Variants in MYO10 observed in about 807,000 individuals in gnomAD.
MYO10 encodes the protein unconventional myosin-X.
A neutral mutation model predicts 257.3 loss-of-function variants in MYO10; 133 were observed. The observed-to-expected ratio is 0.52, with a 90% confidence interval of 0.45 to 0.60. The LOEUF (loss-of-function observed/expected upper bound fraction) is 0.60. Among genes scored for constraint, MYO10 ranks in the 20% least tolerant of loss-of-function variants. MYO10 has a pLI of 0.00. For missense variants in MYO10, 2,399 were observed against 2,635.7 expected, an observed-to-expected ratio of 0.91 and a Z score of 1.97; for synonymous variants, 1,104 against 1,028.6, an observed-to-expected ratio of 1.07 and a Z score of -1.40.
intron 2 of MYO10, among the ~76,000 whole-genome samples, chr5:16,861,257 A>T (rs1324573703): frequency 8.1e-5 from 12 of 148,088 alleles, no homozygotes; most frequent in East Asian, 5.9e-4. Context: ...TACAGCAATA[A>T]AAAAAAAAAA....
intron 2 of MYO10, among the ~76,000 whole-genome samples, chr5:16,837,960 T>C (rs1471341436): frequency 1.3e-5 from 2 of 152,178 alleles, no homozygotes; most frequent in Non-Finnish European, 1.5e-5. Flanking sequence ...CCTATTGTAA[T>C]TGTTTGGGGG....
rs1012098715 is a variant in MYO10 at position 16,665,894 on chromosome 5, C to A, written c.*798G>T. On this transcript the variant is annotated 3_prime_UTR_variant, in exon 41 of 41. Coordinates refer to ENST00000513610, the MANE Select transcript of MYO10 (RefSeq NM_012334.3). ...TACATGTAAAACAATGGAGTCAACA[C>A]GTGTTTTTCAAAATACAGCAAAGAC... is the stretch of plus-strand genomic sequence containing the variant. 3 of 152,552 alleles carry A rather than the reference C, an allele frequency of 2.0e-5. No homozygotes were observed. The highest frequency in any genetic ancestry group is 2.1e-4 in the South Asian group (1 of 4,830). 9.4% of individuals were successfully genotyped at this position (152,552 alleles called of 1,614,324 possible).
At chr5:16,685,877 C>G in intron 28 of MYO10, 46 bp from the exon 29 acceptor site, 2 of 1,471,726 alleles carry the variant, frequency 1.4e-6, no homozygotes, top group Non-Finnish European at 1.9e-6. Flanking sequence ...CAACCTCGTA[C>G]TGGCAAAGCA....
intron 3 of MYO10, among the ~76,000 whole-genome samples, chr5:16,803,251 CT>C (rs1742175682): frequency 6.6e-6 from 1 of 152,060 alleles, no homozygotes; most frequent in African/African-American, 2.4e-5. Flanking sequence ...TGTCAAAACC[CT>C]GTCTCTACAA....
intron 22 of MYO10, 118 bp from the exon 23 acceptor site, chr5:16,703,276 CATT>C (rs2126557181): frequency 1.4e-6 from 1 of 740,416 alleles, no homozygotes; most frequent in Non-Finnish European, 2.2e-6. Context: ...ATGAGACTCT[CATT>C]ATGGAAACTG....
chr5:16,795,963 G>A (rs1436661219), intron 3 of MYO10, among the ~76,000 whole-genome samples: 4 of 151,994 alleles, frequency 2.6e-5, no homozygotes, highest in East Asian at 1.9e-4. Context: ...GCCGAGGTGC[G>A]AGGATCTCAA....
At chr5:16,834,857 C>CTCT (rs1354238931) in intron 2 of MYO10, among the ~76,000 whole-genome samples, 1 of 152,198 alleles carries the variant, frequency 6.6e-6, no homozygotes, top group Non-Finnish European at 1.5e-5. Context: ...GGCAGATGGG[C>CTCT]ACATTTCCAA....
chr5:16,788,783 G>A (rs1041871252), intron 4 of MYO10, among the ~76,000 whole-genome samples: 1 of 152,052 alleles, frequency 6.6e-6, no homozygotes, highest in Non-Finnish European at 1.5e-5. Flanking sequence ...CGCCATGGTG[G>A]GGGGCGTGGG....
chr5:16,835,564 T>C (rs143193547), intron 2 of MYO10, among the ~76,000 whole-genome samples: 6 of 145,726 alleles, frequency 4.1e-5, no homozygotes, highest in African/African-American at 1.5e-4. Context: ...CTCAAACTTA[T>C]GGTACAAAAA....
chr5:16,699,083 T>C (rs1378580509), intron 26 of MYO10, among the ~76,000 whole-genome samples: 1 of 150,534 alleles, frequency 6.6e-6, no homozygotes, highest in Admixed American at 6.6e-5. Flanking sequence ...GGAGAGAAAA[T>C]AGAAGGATGA....
intron 39 of MYO10, among the ~76,000 whole-genome samples, chr5:16,668,900 T>C (rs911286756): frequency 1.3e-5 from 2 of 152,132 alleles, no homozygotes; most frequent in African/African-American, 4.8e-5. Flanking sequence ...AGTCTTCAAA[T>C]ACAAAATCTA....
Position 16,689,859 on chromosome 5 carries a change from A to T in MYO10, c.3861T>A (p.Thr1287=), listed in dbSNP as rs753235306. Residue 1287 remains threonine (T), a synonymous_variant, in exon 28 of 41, where the codon ACT becomes ACA. Transcript: ENST00000513610. ...NGIDIIMADR[T]FHLIAESPED... ...CTGGGGACTCTGCAATCAGGTGGAA[A>T]GTCCTATCGGCCATAATGATGTCGA... The T allele has an allele frequency of 1.2e-6, 2 of 1,613,832 alleles. No homozygotes were observed. Among genetic ancestry groups the T allele is most frequent in the East Asian group, 4.5e-5 (2 of 44,880 alleles).
At chr5:16,821,443 CTTTTTTTTTTTTTTTTTTTTTTT>C (rs571931909) in intron 2 of MYO10, among the ~76,000 whole-genome samples, 10 of 70,262 alleles carry the variant, frequency 1.4e-4, no homozygotes, top group African/African-American at 5.5e-4. Context: ...CTCCTATTTT[CTTTTTTTTTTTTTTTTTTTTTTT>C]TTTTTTTTTT....
intron 1 of MYO10, among the ~76,000 whole-genome samples, chr5:16,920,726 G>A (rs1020719649): frequency 3.3e-5 from 5 of 152,200 alleles, no homozygotes; most frequent in Middle Eastern, 3.2e-3. Flanking sequence ...ACTGTATTTT[G>A]TTATGTAAGA....
intron 2 of MYO10, among the ~76,000 whole-genome samples, chr5:16,872,171 C>A (rs1158403541): frequency 6.6e-6 from 1 of 152,204 alleles, no homozygotes; most frequent in Non-Finnish European, 1.5e-5. Context: ...AGGGCAGTGG[C>A]ACCCAGAGAC....
intron 33 of MYO10, among the ~76,000 whole-genome samples, chr5:16,678,593 A>G (rs1736843783): frequency 6.6e-6 from 1 of 152,174 alleles, no homozygotes; most frequent in South Asian, 2.1e-4. Context: ...CTCAAAACAA[A>G]CAAAAAACAA....
intron 2 of MYO10, among the ~76,000 whole-genome samples, chr5:16,833,777 T>A (rs1743225656): frequency 6.6e-6 from 1 of 152,158 alleles, no homozygotes; most frequent in African/African-American, 2.4e-5. Context: ...ATCTATAATA[T>A]AAGAATAATC....
At chr5:16,912,648 T>G (rs1270984608) in intron 1 of MYO10, among the ~76,000 whole-genome samples, 1 of 152,220 alleles carries the variant, frequency 6.6e-6, no homozygotes, top group East Asian at 1.9e-4. Context: ...TAGGCCAGCG[T>G]TGGATATAAT....
chr5:16,695,762 C>G (rs1050062490), intron 26 of MYO10, among the ~76,000 whole-genome samples: 1 of 147,090 alleles, frequency 6.8e-6, no homozygotes, highest in African/African-American at 2.5e-5. Context: ...GTCATTTAAA[C>G]ATGGGATATT....
Sources: gnomAD v4.1 joint callset for allele counts (sites outside exome capture counted in the v4.1 genomes callset) on GRCh38, gnomAD v4.1.1 for gene constraint, MANE v1.5 for transcripts, NCBI Gene and HGNC (gene_info 2026-07-23, HGNC 2026-07-21) for gene names.